SLCO1A2: variants seen among roughly 807,000 people sequenced by gnomAD.
SLCO1A2 encodes OATP-1.
Under a neutral mutation model 69.0 loss-of-function variants are expected in SLCO1A2, and 67 were observed. The ratio of observed to expected loss-of-function variants is 0.97; its 90% CI spans 0.80 to 1.19. SLCO1A2 has a LOEUF of 1.19. SLCO1A2 is among the 50% of genes most tolerant of loss of function. The pLI is 0.00. For missense variants in SLCO1A2, 787 were observed against 793.7 expected, an observed-to-expected ratio of 0.99 and a Z score of 0.10; for synonymous variants, 260 against 265.9, an observed-to-expected ratio of 0.98 and a Z score of 0.22.
chr12:21,357,225 C>A (rs1938438470), intron 2 of SLCO1A2, among the ~76,000 whole-genome samples: 1 of 152,086 alleles, frequency 6.6e-6, no homozygotes, highest in South Asian at 2.1e-4. Flanking sequence ...TGAAGTCATA[C>A]TGAGATACTT....
At chr12:21,349,040 A>G (rs1937722450) in intron 2 of SLCO1A2, among the ~76,000 whole-genome samples, 1 of 152,052 alleles carries the variant, frequency 6.6e-6, no homozygotes, top group Admixed American at 6.6e-5. Context: ...AAATCTGTGT[A>G]CTCCAGTCTA....
chr12:21,291,307 C>A (rs1946811101), intron 12 of SLCO1A2, among the ~76,000 whole-genome samples: 1 of 152,064 alleles, frequency 6.6e-6, no homozygotes, highest in African/African-American at 2.4e-5. Flanking sequence ...ACAAAAAATT[C>A]TAATATTTTA....
chr12:21,280,491 T>C (rs1944590457), intron 12 of SLCO1A2, among the ~76,000 whole-genome samples: 2 of 152,086 alleles, frequency 1.3e-5, no homozygotes, highest in East Asian at 1.9e-4. Flanking sequence ...AAGAAGATCA[T>C]TATATAAGGA....
intron 6 of SLCO1A2, among the ~76,000 whole-genome samples, chr12:21,301,699 C>A (rs567257988): frequency 4.9e-4 from 75 of 152,168 alleles, no homozygotes; most frequent in Non-Finnish European, 9.4e-4. Flanking sequence ...ACTCTCAGAT[C>A]TGCAACTTGA....
At chr12:21,280,260 A>G (rs1443891227) in intron 12 of SLCO1A2, among the ~76,000 whole-genome samples, 1 of 152,142 alleles carries the variant, frequency 6.6e-6, no homozygotes, top group Non-Finnish European at 1.5e-5. Flanking sequence ...ATGTAAATAG[A>G]CTAAGCTCTC....
chr12:21,417,011 T>C (rs1474012386), intron 1 of SLCO1A2, among the ~76,000 whole-genome samples: 2 of 152,126 alleles, frequency 1.3e-5, no homozygotes, highest in East Asian at 3.9e-4. Context: ...TTGAGAATGT[T>C]GAGTCTTTGA....
intron 1 of SLCO1A2, among the ~76,000 whole-genome samples, chr12:21,413,237 CT>C (rs3983534): frequency 1.1e-3 from 108 of 99,470 alleles, no homozygotes; most frequent in East Asian, 3.9e-3. Flanking sequence ...TTTTCTTTTT[CT>C]TTTTTTTTTT....
chr12:21,398,187 G>C (rs531679502), upstream of SLCO1A2, among the ~76,000 whole-genome samples: 61 of 150,422 alleles, frequency 4.1e-4, no homozygotes, highest in African/African-American at 1.4e-3. Context: ...AATGATAAAG[G>C]GGATGTCACC....
intron 2 of SLCO1A2, among the ~76,000 whole-genome samples, chr12:21,350,835 C>CAAAAAAAAAAAAAAAAAAAA (rs11454466): frequency 2.5e-5 from 1 of 40,732 alleles, no homozygotes; most frequent in African/African-American, 9.9e-5. Flanking sequence ...GACTCTGTCT[C>CAAAAAAAAAAAAAAAAAAAA]AAAAAAAAAA....
chr12:21,405,869 G>T (rs868426544), intron 1 of SLCO1A2, among the ~76,000 whole-genome samples: 3 of 152,218 alleles, frequency 2.0e-5, no homozygotes, highest in South Asian at 4.1e-4. Flanking sequence ...ATGAGTAGCT[G>T]TTACCTTGGA....
chr12:21,300,174 A>C (rs1484019147), intron 8 of SLCO1A2, among the ~76,000 whole-genome samples, 174 bp downstream of exon 8: 1 of 151,858 alleles, frequency 6.6e-6, no homozygotes, highest in Non-Finnish European at 1.5e-5. Flanking sequence ...TATAATATTT[A>C]TTTTCAAGTA....
chr12:21,280,685 A>T (rs545886631), intron 12 of SLCO1A2, among the ~76,000 whole-genome samples: 1 of 151,572 alleles, frequency 6.6e-6, no homozygotes, highest in South Asian at 2.1e-4. Context: ...GACCAAAAAA[A>T]AAAATAAATA....
chr12:21,360,542 T>G (rs2137044940), intron 2 of SLCO1A2, among the ~76,000 whole-genome samples: 1 of 152,316 alleles, frequency 6.6e-6, no homozygotes, highest in South Asian at 2.1e-4. Flanking sequence ...TTCATCTCAC[T>G]GGGGCTTGCC....
chr12:21,367,740 C>T (rs1053869198), intron 2 of SLCO1A2, among the ~76,000 whole-genome samples: 7 of 151,206 alleles, frequency 4.6e-5, no homozygotes, highest in Non-Finnish European at 8.9e-5. Flanking sequence ...ATCAAAGTAC[C>T]GAGACTACAA....
intron 12 of SLCO1A2, among the ~76,000 whole-genome samples, chr12:21,289,755 A>G (rs960645651): frequency 1.3e-5 from 1 of 77,514 alleles, no homozygotes; most frequent in Non-Finnish European, 3.0e-5. Flanking sequence ...GCCCAGGGTA[A>G]AAAAAAAAAA....
rs1340026197 is a variant in SLCO1A2, at chr12:21,301,286, G to A, written c.590-17C>T. On this transcript the variant is annotated splice_polypyrimidine_tract_variant and intron_variant, in intron 6 of 14. Transcript: ENST00000683939. The stretch of plus-strand genomic sequence containing the variant: ...CTACAAGCCCTAAAAATAAATAAAA[G>A]TATAAGGTTATAGTACAGTTATATG... 1.9e-6 allele frequency: 3 copies of A among 1,560,082 alleles called. No homozygotes were observed. Among genetic ancestry groups the A allele is most frequent in the Middle Eastern group, 1.8e-4 (1 of 5,676 alleles).
intron 12 of SLCO1A2, among the ~76,000 whole-genome samples, chr12:21,276,078 TTAAA>T (rs1433739570): frequency 2.0e-5 from 3 of 152,130 alleles, no homozygotes; most frequent in Non-Finnish European, 4.4e-5. Flanking sequence ...ACAACTACAG[TTAAA>T]TAAATCTTGG....
chr12:21,418,325 G>A (rs1362681843), upstream of SLCO1A2, among the ~76,000 whole-genome samples: 2 of 152,174 alleles, frequency 1.3e-5, no homozygotes, highest in East Asian at 3.9e-4. Flanking sequence ...TTTGAGAGAA[G>A]TAAATAACAA....
At chr12:21,357,441 C>G (rs186159953) in intron 2 of SLCO1A2, among the ~76,000 whole-genome samples, 43 of 152,282 alleles carry the variant, frequency 2.8e-4, no homozygotes, top group Admixed American at 7.8e-4. Flanking sequence ...CTGCTGACAC[C>G]TAATCTTAGA....
Sources: gnomAD v4.1 joint callset for allele counts (sites outside exome capture counted in the v4.1 genomes callset) on GRCh38, gnomAD v4.1.1 for gene constraint, MANE v1.5 for transcripts, NCBI Gene and HGNC (gene_info 2026-07-23, HGNC 2026-07-21) for gene names.